MYOM2: variants seen among roughly 807,000 people sequenced by gnomAD.
The protein encoded by MYOM2 is myomesin-2.
A neutral mutation model predicts 187.6 loss-of-function variants in MYOM2; 254 were observed. That is an observed-to-expected ratio of 1.35 (90% CI 1.22 to 1.50). MYOM2 has a LOEUF of 1.50. Ranked by LOEUF, MYOM2 falls within the 40% of genes most tolerant of loss-of-function variation. The pLI is 0.00. For missense variants in MYOM2, 2,796 were observed against 1,924.0 expected (o/e 1.45, Z -8.48); for synonymous variants, 981 against 753.8 (o/e 1.30, Z -4.94).
chr8:2,104,624 A>G (rs2116794763), intron 21 of MYOM2, among the ~76,000 whole-genome samples: 1 of 151,890 alleles, frequency 6.6e-6, no homozygotes, highest in African/African-American at 2.4e-5. Context: ...AAAGAAAAAA[A>G]AAGTTTATTT....
intron 27 of MYOM2, 130 bp from the exon 28 acceptor site, chr8:2,117,755 T>G: frequency 3.7e-6 from 2 of 546,776 alleles, no homozygotes; most frequent in Non-Finnish European, 6.2e-6. Context: ...CATAAATATA[T>G]ATAATACATT....
chr8:2,070,314 G>C (rs1373760541), intron 8 of MYOM2, among the ~76,000 whole-genome samples: 1 of 152,256 alleles, frequency 6.6e-6, no homozygotes, highest in Non-Finnish European at 1.5e-5. Context: ...GCTGGGAGTG[G>C]AGAGTTGACC....
intron 32 of MYOM2, among the ~76,000 whole-genome samples, chr8:2,137,520 G>T (rs1057275340): frequency 1.3e-5 from 2 of 151,966 alleles, no homozygotes; most frequent in African/African-American, 4.8e-5. Flanking sequence ...CCACGGGTCT[G>T]TGTGTGTGCA....
At chr8:2,111,388 G>T (rs1415115604) in intron 25 of MYOM2, among the ~76,000 whole-genome samples, 1 of 152,204 alleles carries the variant, frequency 6.6e-6, no homozygotes, top group African/African-American at 2.4e-5. Flanking sequence ...AGACATTGCA[G>T]CACAGCAGCT....
At position 2,123,301 on chromosome 8, in the gene MYOM2, T is replaced by C. The variant is rs17854780; in HGVS notation, c.3503T>C (p.Val1168Ala). 189,508 of 1,613,204 alleles carry C rather than the reference T, an allele frequency of 0.12. 12,135 individuals are homozygous for C. The highest frequency in any genetic ancestry group is 0.21 in the East Asian group (9,310 of 44,852). The change falls in exon 29 of 37, where the codon GTT (valine) becomes GCT (alanine). Residue 1168 changes from valine to alanine, a missense_variant. Physicochemically the swap from Val to Ala is moderately conservative, Grantham distance 64 (BLOSUM62 0). Transcript: ENST00000262113. ...ETVFKWLKDDVLYETETLPNL... is the reference protein window; with the variant it reads ...ETVFKWLKDDALYETETLPNL... Reference sequence around the variant, plus strand: ...GTTTTCAAATGGCTCAAGGATGATGTTCTGTATGAAACGGAGACACTGCCT... The same window carrying C: ...GTTTTCAAATGGCTCAAGGATGATGCTCTGTATGAAACGGAGACACTGCCT...
At chr8:2,085,542 G>GCCCCCCACTGTTGTGAT in intron 14 of MYOM2, 152 bp downstream of exon 14, 1 of 318,142 alleles carries the variant, frequency 3.1e-6, no homozygotes, top group South Asian at 3.5e-5. Flanking sequence ...TCTCTGCGTG[G>GCCCCCCACTGTTGTGAT]CCCCACTGTC....
intron 32 of MYOM2, among the ~76,000 whole-genome samples, chr8:2,129,511 G>T (rs1037182126): frequency 6.6e-6 from 1 of 152,200 alleles, no homozygotes; most frequent in African/African-American, 2.4e-5. Context: ...TGGTAACACA[G>T]ATTTTCTCTG....
At position 2,061,868 on chromosome 8, in the gene MYOM2, G is replaced by A. The variant is rs1394674805; in HGVS notation, c.653+2623G>A. Among the ~76,000 whole-genome samples, 3 of 152,196 alleles carry A rather than the reference G, an allele frequency of 2.0e-5. No homozygotes were observed. The East Asian group carries it at 5.8e-4, about 29-fold the overall frequency. ...GTGCCTGGTGCTATCCTGGATGTTCGAGAGGCTTCAGGGGCCAAGACAAGG... is the reference window on the plus strand; with the variant it reads ...GTGCCTGGTGCTATCCTGGATGTTCAAGAGGCTTCAGGGGCCAAGACAAGG... On this transcript the variant is annotated intron_variant, in intron 6 of 36. Transcript: ENST00000262113.
Position 2,106,587 on chromosome 8 carries a change from G to C in MYOM2, c.2988G>C (p.Leu996=), listed in dbSNP as rs769065533. ...ACGGAGTGTCCTCCAGTTTTGTTCT[G>C]GACCCAGAAGGTAATATTTATATGG... is the stretch of plus-strand genomic sequence containing the variant. ...DTDGVSSSFV[L]DPEELERLMA... is the part of the protein sequence containing the mutation. The change falls in exon 23 of 37, where the codon CTG becomes CTC. Residue 996 remains leucine (L), a synonymous_variant. Coordinates refer to ENST00000262113, the MANE Select transcript of MYOM2 (RefSeq NM_003970.4). 2.5e-6 allele frequency: 4 copies of C among 1,600,820 alleles called. No homozygotes were observed. The highest frequency in any genetic ancestry group is 3.4e-6 in the Non-Finnish European group (4 of 1,169,732).
intron 25 of MYOM2, among the ~76,000 whole-genome samples, chr8:2,111,375 C>T (rs1460455170): frequency 2.6e-5 from 4 of 152,150 alleles, no homozygotes; most frequent in Non-Finnish European, 5.9e-5. Flanking sequence ...GTAAAACCTG[C>T]CCAGACATTG....
rs372334120 is a variant in MYOM2, at chr8:2,069,438, G to T, written c.743-9G>T. ...TCTTTTCTGCTGCACTCACTTTGCT[G>T]TCTTGCAGGGTTCCGGGGAGACGAG... On this transcript the variant is annotated splice_polypyrimidine_tract_variant and intron_variant, in intron 7 of 36. Transcript: ENST00000262113. 12 of 1,614,224 alleles carry T rather than the reference G, an allele frequency of 7.4e-6. No homozygotes were observed. In the South Asian group the frequency reaches 1.2e-4, roughly 16 times the overall value.
At chr8:2,091,741 C>T (rs1796309840) in intron 15 of MYOM2, among the ~76,000 whole-genome samples, 1 of 152,224 alleles carries the variant, frequency 6.6e-6, no homozygotes, top group East Asian at 1.9e-4. Flanking sequence ...CAAGGCCCTG[C>T]CTTCTTGTGC....
chr8:2,092,311 G>T (rs1226503649), intron 15 of MYOM2, 35 bp from the exon 16 acceptor site: 1 of 1,605,170 alleles, frequency 6.2e-7, no homozygotes, highest in Admixed American at 1.7e-5. Context: ...AAGCTCTGAT[G>T]CCATTTCACC....
chr8:2,050,506 T>C (rs1485568691), intron 1 of MYOM2, among the ~76,000 whole-genome samples: 1 of 152,234 alleles, frequency 6.6e-6, no homozygotes, highest in East Asian at 1.9e-4. Context: ...CACAATGAAA[T>C]GAAACAGCAG....
rs993324475 is a variant in MYOM2, at chr8:2,057,701, C to T, written c.481C>T (p.Arg161Ter). The T allele has an allele frequency of 1.2e-5, 20 of 1,614,066 alleles. No individual in the cohort carries two copies. Among genetic ancestry groups the T allele is most frequent in the Non-Finnish European group, 1.6e-5 (19 of 1,180,008 alleles). Residue 161 changes from arginine to a stop codon, truncating the protein, a stop_gained, in exon 5 of 37, where the codon CGA (arginine) becomes TGA (stop). Transcript: ENST00000262113. LOFTEE classifies it high-confidence loss of function. ...SRAPEILVRL[R>*]SHTVWERMSV... ...GGCTCCTGAGATCCTGGTGCGGCTG[C>T]GATCCCACACCGTCTGGGAGAGGAT...
Position 2,086,390 on chromosome 8 carries a change from C to T in MYOM2, c.1644+1000C>T, listed in dbSNP as rs1156673852. Among the ~76,000 whole-genome samples, 207 of 104,366 alleles carry T rather than the reference C, an allele frequency of 2.0e-3. 35 individuals are homozygous for T. Among genetic ancestry groups the T allele is most frequent in the Non-Finnish European group, 3.1e-3 (149 of 47,778 alleles). The allele number at this position is 104,366 out of a possible 152,430, so 68.5% of individuals were successfully genotyped here. ...CTGTTGTGATCTCTGCGTGGCCTCC[C>T]ACTGTTGTGATCTCTGCGTGGCCTC... On this transcript the variant is annotated intron_variant, in intron 14 of 36. Coordinates refer to ENST00000262113, the MANE Select transcript of MYOM2 (RefSeq NM_003970.4).
At position 2,128,392 on chromosome 8, in the gene MYOM2, T is replaced by C. The variant is rs551835625; in HGVS notation, c.3695-735T>C. ...GGTGATCATCTTATTTTCCATTATC[T>C]GTGCTAATTATGTAAATCTAGTTTT... On this transcript the variant is annotated intron_variant, in intron 31 of 36. Coordinates refer to ENST00000262113, the MANE Select transcript of MYOM2 (RefSeq NM_003970.4). Among the ~76,000 whole-genome samples the C allele has an allele frequency of 2.4e-4, 37 of 152,366 alleles. 1 individual carries two copies. In the South Asian group the frequency reaches 7.5e-3, roughly 31 times the overall value.
chr8:2,065,131 G>T (rs1040428811), intron 6 of MYOM2, among the ~76,000 whole-genome samples: 7 of 152,208 alleles, frequency 4.6e-5, no homozygotes, highest in Non-Finnish European at 1.0e-4. Context: ...CCCTAGTCAA[G>T]TGTGGGTGCT....
At chr8:2,073,570 A>G (rs973891913) in intron 10 of MYOM2, 70 bp downstream of exon 10, 1 of 1,497,346 alleles carries the variant, frequency 6.7e-7, no homozygotes, top group Non-Finnish European at 8.9e-7. Flanking sequence ...CCCTGGGAGG[A>G]GGGAGGCGCT....
Sources: gnomAD v4.1 joint callset for allele counts (sites outside exome capture counted in the v4.1 genomes callset) on GRCh38, gnomAD v4.1.1 for gene constraint, MANE v1.5 for transcripts, NCBI Gene and HGNC (gene_info 2026-07-23, HGNC 2026-07-21) for gene names.